The following RTP2 variants were observed in gnomAD, a reference collection of about 807,000 sequenced individuals.
RTP2 encodes receptor transporter protein 2, also known as receptor-transporting protein 2.
Under a neutral mutation model 17.9 loss-of-function variants are expected in RTP2, and 12 were observed. The observed-to-expected ratio is 0.67, with a 90% CI of 0.43 to 1.09. RTP2 has a LOEUF of 1.09. Among genes scored for constraint, RTP2 ranks in the 50% least tolerant of loss-of-function variants. The probability of loss-of-function intolerance (pLI) is 0.00; values close to 1 mark genes in which losing one functional copy is unlikely to be tolerated. For missense variants in RTP2, 327 were observed against 295.7 expected (o/e 1.11, Z -0.78); for synonymous variants, 126 against 117.7 (o/e 1.07, Z -0.46).
the RTP2 span, among the ~76,000 whole-genome samples, chr3:187,708,334 A>G: frequency 6.6e-6 from 1 of 152,232 alleles, no homozygotes; most frequent in Non-Finnish European, 1.5e-5. Flanking sequence ...ATTTACAGTG[A>G]AGAGTAAACT....
chr3:187,714,666 A>G, the RTP2 span, among the ~76,000 whole-genome samples: 11 of 152,074 alleles, frequency 7.2e-5, no homozygotes, highest in Non-Finnish European at 1.6e-4. Context: ...TTAATCATGC[A>G]CTCACTCCTT....
chr3:187,706,691 C>T (rs536407795), upstream of RTP2, among the ~76,000 whole-genome samples: 4 of 152,230 alleles, frequency 2.6e-5, no homozygotes, highest in Admixed American at 6.5e-5. Flanking sequence ...CAGCCTCTGC[C>T]TCCTGAGTTC....
At chr3:187,715,197 TTTGAA>T in the RTP2 span, among the ~76,000 whole-genome samples, 1 of 152,284 alleles carries the variant, frequency 6.6e-6, no homozygotes, top group South Asian at 2.1e-4. Context: ...TAATCTCAAG[TTTGAA>T]AGGGACCTTA....
At chr3:187,709,932 T>C in the RTP2 span, among the ~76,000 whole-genome samples, 76,871 of 151,714 alleles carry the variant, frequency 0.51, 22,578 homozygotes, top group East Asian at 0.75. Flanking sequence ...ATGAATAATT[T>C]TATATGTCAA....
chr3:187,712,393 T>C, the RTP2 span, among the ~76,000 whole-genome samples: 150,074 of 152,310 alleles, frequency 0.99, 73,973 homozygotes, highest in Middle Eastern at 1. Context: ...TTATTTATTA[T>C]GTTTTGTCAT....
upstream of RTP2, among the ~76,000 whole-genome samples, chr3:187,702,939 C>A (rs904498696): frequency 2.6e-5 from 4 of 152,024 alleles, no homozygotes; most frequent in East Asian, 7.7e-4. Context: ...ACTGTTAGAG[C>A]CCATATTCAG....
the RTP2 span, among the ~76,000 whole-genome samples, chr3:187,714,939 T>G: frequency 6.6e-6 from 1 of 150,872 alleles, no homozygotes. Flanking sequence ...ATGATATGTA[T>G]GAAACTGTAA....
chr3:187,711,564 A>C, the RTP2 span, among the ~76,000 whole-genome samples: 2 of 152,192 alleles, frequency 1.3e-5, no homozygotes, highest in African/African-American at 4.8e-5. Context: ...AATCCATTGA[A>C]GTTTTCTAAG....
At chr3:187,704,460 T>C (rs181740741), upstream of RTP2, among the ~76,000 whole-genome samples, 4 of 152,314 alleles carry the variant, frequency 2.6e-5, no homozygotes, top group Non-Finnish European at 4.4e-5. Flanking sequence ...GAGACAAATT[T>C]GCTCTCCACC....
exon 1 of RTP2, chr3:187,702,121 G>T (rs762631303): frequency 1.2e-6 from 2 of 1,606,758 alleles, no homozygotes; most frequent in Non-Finnish European, 1.7e-6. Context: ...GGTCAAGCTG[G>T]TACACATGGT....
chr3:187,701,401 C>T (rs757360243), intron 1 of RTP2, among the ~76,000 whole-genome samples: 9 of 152,200 alleles, frequency 5.9e-5, no homozygotes, highest in Non-Finnish European at 1.0e-4. Context: ...GATCTATTAT[C>T]TAAGACCAAC....
chr3:187,699,050 C>T, intron 1 of RTP2, 39 bp from the exon 2 acceptor site: 1 of 1,540,986 alleles, frequency 6.5e-7, no homozygotes, highest in Non-Finnish European at 8.8e-7. Flanking sequence ...AGGTGGGCAT[C>T]CCAGAGAAGC....
At chr3:187,698,448 C>T (rs1717742173) in exon 2 of RTP2, 1 of 1,496,972 alleles carries the variant, frequency 6.7e-7, no homozygotes, top group African/African-American at 1.4e-5. Flanking sequence ...CAGACTGTGT[C>T]CTCCCCACTC....
chr3:187,709,434 C>T, the RTP2 span, among the ~76,000 whole-genome samples: 1 of 152,124 alleles, frequency 6.6e-6, no homozygotes. Flanking sequence ...GCCTGTAATC[C>T]CAGCACTTTT....
At chr3:187,703,234 C>G (rs900419026), upstream of RTP2, among the ~76,000 whole-genome samples, 1 of 152,180 alleles carries the variant, frequency 6.6e-6, no homozygotes, top group Admixed American at 6.5e-5. Flanking sequence ...AATCATCTTA[C>G]GATTCTTTAA....
exon 2 of RTP2, chr3:187,698,809 T>C (rs771497752): frequency 1.2e-5 from 19 of 1,613,118 alleles, no homozygotes; most frequent in Non-Finnish European, 1.6e-5. Context: ...CGCAGGCTGG[T>C]GATGAGGTTG....
the RTP2 span, among the ~76,000 whole-genome samples, chr3:187,710,427 T>C: frequency 6.7e-6 from 1 of 149,556 alleles, no homozygotes; most frequent in Non-Finnish European, 1.5e-5. Context: ...GTGTATATCC[T>C]ATACAAGCAC....
At chr3:187,698,471 G>A in exon 2 of RTP2, 2 of 1,568,912 alleles carry the variant, frequency 1.3e-6, no homozygotes, top group African/African-American at 1.4e-5. Flanking sequence ...AAGCCCATGT[G>A]CCCTCTCCCA....
upstream of RTP2, among the ~76,000 whole-genome samples, chr3:187,704,649 G>A (rs1039393440): frequency 2.6e-5 from 4 of 152,208 alleles, no homozygotes; most frequent in Non-Finnish European, 4.4e-5. Context: ...TGCAAGGTGT[G>A]TCCTATCTTC....
Sources: allele counts gnomAD v4.1 joint callset (sites outside exome capture counted in the v4.1 genomes callset), GRCh38; gene constraint gnomAD v4.1.1; transcripts MANE v1.5; gene names NCBI Gene and HGNC (gene_info 2026-07-23, HGNC 2026-07-21).